The following ENAH variants were observed in gnomAD, a reference collection of about 807,000 sequenced individuals.
ENAH encodes the protein protein enabled homolog.
ENAH carries 23 observed loss-of-function variants against 78.7 expected under a neutral mutation model. The observed-to-expected ratio is 0.29, with a 90% CI of 0.21 to 0.41. The LOEUF (loss-of-function observed/expected upper bound fraction) is 0.41. ENAH is among the 10% of genes least tolerant of loss of function. The probability of loss-of-function intolerance (pLI) is 1.00; values close to 1 mark genes in which losing one functional copy is unlikely to be tolerated. For synonymous variants in ENAH, 226 were observed against 241.0 expected, an observed-to-expected ratio of 0.94 and a Z score of 0.58; for missense variants, 544 against 691.0, an observed-to-expected ratio of 0.79 and a Z score of 2.39.
At chr1:225,593,999 A>C (rs988964773) in intron 1 of ENAH, among the ~76,000 whole-genome samples, 1 of 152,224 alleles carries the variant, frequency 6.6e-6, no homozygotes, top group African/African-American at 2.4e-5. Flanking sequence ...GTATTCTTAC[A>C]TGATTTTCAG....
chr1:225,551,537 G>C (rs555581917), intron 3 of ENAH, among the ~76,000 whole-genome samples: 1 of 152,182 alleles, frequency 6.6e-6, no homozygotes, highest in African/African-American at 2.4e-5. Context: ...GAACCATGGA[G>C]GCATCTCAGT....
intron 1 of ENAH, among the ~76,000 whole-genome samples, chr1:225,590,226 A>G (rs117677255): frequency 0.044 from 6,730 of 151,996 alleles, 231 homozygotes; most frequent in South Asian, 0.11. Context: ...GCTCACGCCT[A>G]TAATCCCAGC....
chr1:225,604,916 G>T (rs182058450), intron 1 of ENAH, among the ~76,000 whole-genome samples: 82 of 152,296 alleles, frequency 5.4e-4, no homozygotes, highest in African/African-American at 1.9e-3. Context: ...TATCCTTTTA[G>T]ACTTTGATAC....
chr1:225,585,318 T>C (rs1266554815), intron 1 of ENAH, among the ~76,000 whole-genome samples: 1 of 144,806 alleles, frequency 6.9e-6, no homozygotes, highest in African/African-American at 2.5e-5. Context: ...CTGATAAAAC[T>C]AGACAACAGA....
At chr1:225,566,620 T>C (rs549171791) in intron 2 of ENAH, among the ~76,000 whole-genome samples, 9 of 152,232 alleles carry the variant, frequency 5.9e-5, no homozygotes, top group Non-Finnish European at 1.0e-4. Context: ...TATTAGTATA[T>C]AGTTAATGCT....
At chr1:225,591,020 C>CTATTA (rs2096872994) in intron 1 of ENAH, among the ~76,000 whole-genome samples, 2 of 152,122 alleles carry the variant, frequency 1.3e-5, no homozygotes, top group South Asian at 4.1e-4. Context: ...TTCAGGTGAA[C>CTATTA]TATTAAAGAC....
At chr1:225,521,788 T>C (rs940490881) in intron 4 of ENAH, among the ~76,000 whole-genome samples, 1 of 151,972 alleles carries the variant, frequency 6.6e-6, no homozygotes, top group Non-Finnish European at 1.5e-5. Flanking sequence ...GATAGTTTTT[T>C]TGTTTTGTTT....
chr1:225,618,412 G>A (rs1424733016), intron 1 of ENAH, among the ~76,000 whole-genome samples: 2 of 152,162 alleles, frequency 1.3e-5, no homozygotes, highest in Non-Finnish European at 2.9e-5. Flanking sequence ...ATTGGCCACA[G>A]GGACTTCTTT....
Position 225,653,025 on chromosome 1 carries a change from G to T in ENAH, c.-335C>A, listed in dbSNP as rs1208938023. On this transcript the variant is annotated 5_prime_UTR_variant, in exon 1 of 14. Coordinates refer to ENST00000366843, the MANE Select transcript of ENAH (RefSeq NM_018212.6). The surrounding 1 kb of genome is among the most constrained non-coding windows in gnomAD (Gnocchi z 4.3). ...GCCGCCCTCTGAGGGGTGCCCGCCGGGGCCGCGCGCCCGGCCGCCGCTCCA... is the reference window on the plus strand; with the variant it reads ...GCCGCCCTCTGAGGGGTGCCCGCCGTGGCCGCGCGCCCGGCCGCCGCTCCA... 3 of 201,646 alleles carry T rather than the reference G, an allele frequency of 1.5e-5. No individual in the cohort carries two copies. Among genetic ancestry groups the T allele is most frequent in the Non-Finnish European group, 3.0e-5 (3 of 100,356 alleles). 12.5% of individuals were successfully genotyped at this position (201,646 alleles called of 1,614,324 possible). A position where few individuals can be genotyped will look rare whatever the true frequency, so the allele number is the denominator to read the frequency against.
chr1:225,568,891 T>C (rs936913147), intron 1 of ENAH, among the ~76,000 whole-genome samples: 2 of 152,234 alleles, frequency 1.3e-5, no homozygotes, highest in African/African-American at 4.8e-5. Flanking sequence ...TAGAAAAATG[T>C]TTACAAAAAC....
intron 1 of ENAH, among the ~76,000 whole-genome samples, chr1:225,589,692 A>AG (rs1360794015): frequency 1.3e-5 from 2 of 152,204 alleles, no homozygotes; most frequent in South Asian, 2.1e-4. Flanking sequence ...TGAAACCCAT[A>AG]GGGGGCCAAC....
rs2096679775 is a variant in ENAH, at chr1:225,558,441, T to G, written c.172-3358A>C. 5.9e-5 allele frequency among the ~76,000 whole-genome samples: 9 copies of G among 152,082 alleles called. No homozygotes were observed. In the South Asian group the frequency reaches 1.9e-3, roughly 32 times the overall value. On this transcript the variant is annotated intron_variant, in intron 2 of 13. Transcript: ENST00000366843. ...AATTTCTACATCTACATTTTCAAAA[T>G]TACTAAAATAAAGTAGCTCAAAATA...
intron 13 of ENAH, among the ~76,000 whole-genome samples, chr1:225,498,065 G>A (rs1162274489): frequency 1.3e-5 from 2 of 152,142 alleles, no homozygotes; most frequent in African/African-American, 4.8e-5. Context: ...ACTGGGATAG[G>A]TGAGTAGAGG....
chr1:225,504,945 A>G (rs755930671), intron 11 of ENAH: 9 of 1,472,466 alleles, frequency 6.1e-6, no homozygotes, highest in Non-Finnish European at 8.5e-6. Context: ...TATCCTGAAC[A>G]TGTTATTTAA....
intron 1 of ENAH, among the ~76,000 whole-genome samples, chr1:225,633,902 A>G (rs1659574542): frequency 1.3e-5 from 2 of 152,172 alleles, no homozygotes; most frequent in African/African-American, 2.4e-5. Flanking sequence ...ATATTCAGCT[A>G]TGAGGCCTCT....
rs1486424992 is a variant in ENAH, at chr1:225,495,704, G to A, written c.*2071C>T. On this transcript the variant is annotated 3_prime_UTR_variant, in exon 14 of 14. Transcript: ENST00000366843. Reference sequence around the variant, plus strand: ...ACATAACTGTTTATATTATCAAAGTGTTTGCATAACCAAAAGTACAATAAT... The same window carrying A: ...ACATAACTGTTTATATTATCAAAGTATTTGCATAACCAAAAGTACAATAAT... 2 of 152,330 alleles carry A rather than the reference G, an allele frequency of 1.3e-5. No homozygotes were observed. Among genetic ancestry groups the A allele is most frequent in the Non-Finnish European group, 2.9e-5 (2 of 67,970 alleles). 9.4% of individuals were successfully genotyped at this position (152,330 alleles called of 1,614,324 possible). A position where few individuals can be genotyped will look rare whatever the true frequency, so the allele number is the denominator to read the frequency against.
rs953181986 is a variant in ENAH, at chr1:225,618,807, A to C, written c.5+33879T>G. On this transcript the variant is annotated intron_variant, in intron 1 of 13. Transcript: ENST00000366843. ...AACTACCAGGAATCACCTTTAAAAA[A>C]ATTCCAAAGGATTCTACTCTATACT... Among the ~76,000 whole-genome samples the C allele has an allele frequency of 7.9e-4, 120 of 152,196 alleles. 6 individuals are homozygous for C. Among genetic ancestry groups the C allele is most frequent in the Non-Finnish European group, 2.6e-4 (18 of 68,038 alleles).
chr1:225,609,095 C>T (rs1480580468), intron 1 of ENAH, among the ~76,000 whole-genome samples: 3 of 151,844 alleles, frequency 2.0e-5, no homozygotes, highest in Non-Finnish European at 4.4e-5. Flanking sequence ...TGAAAGAATT[C>T]CCATGAAAAT....
intron 1 of ENAH, among the ~76,000 whole-genome samples, chr1:225,634,622 T>C (rs1489420282): frequency 7.2e-5 from 11 of 152,174 alleles, no homozygotes; most frequent in Non-Finnish European, 1.3e-4. Flanking sequence ...TAAACTCTCT[T>C]TGAAAAGACC....
Sources: gnomAD v4.1 joint callset for allele counts (sites outside exome capture counted in the v4.1 genomes callset) on GRCh38, gnomAD v4.1.1 for gene constraint, Gnocchi (gnomAD v3.1) non-coding constraint, MANE v1.5 for transcripts, NCBI Gene and HGNC (gene_info 2026-07-23, HGNC 2026-07-21) for gene names.